Variants in LYPLAL1 observed in about 807,000 individuals in gnomAD.
LYPLAL1 encodes lysophospholipase-like protein 1.
A neutral mutation model predicts 19.7 loss-of-function variants in LYPLAL1; 23 were observed. The ratio of observed to expected loss-of-function variants is 1.17; its 90% CI spans 0.84 to 1.65. The LOEUF is 1.65. Among genes scored for constraint, LYPLAL1 ranks in the 40% most tolerant of loss-of-function variants. The pLI is 0.00. For missense variants in LYPLAL1, 355 were observed against 279.4 expected, an observed-to-expected ratio of 1.27 and a Z score of -1.93; for synonymous variants, 119 against 96.3, an observed-to-expected ratio of 1.24 and a Z score of -1.38.
At chr1:219,346,702 T>C in the LYPLAL1 span, among the ~76,000 whole-genome samples, 1 of 152,098 alleles carries the variant, frequency 6.6e-6, no homozygotes, top group South Asian at 2.1e-4. Flanking sequence ...TTAATGTGTA[T>C]GTGATCATAT....
At chr1:219,229,294 T>TGAGAGA in the LYPLAL1 span, among the ~76,000 whole-genome samples, 450 of 133,008 alleles carry the variant, frequency 3.4e-3, 5 homozygotes, top group African/African-American at 0.012. Flanking sequence ...ACAAGCATTT[T>TGAGAGA]GAGAGAGAGA....
chr1:219,402,940 T>C, the LYPLAL1 span, among the ~76,000 whole-genome samples: 10 of 152,336 alleles, frequency 6.6e-5, no homozygotes, highest in Admixed American at 5.9e-4. Flanking sequence ...CTGAAAGTTC[T>C]GTCAAGAATG....
chr1:219,232,774 A>C, the LYPLAL1 span, among the ~76,000 whole-genome samples: 1 of 152,150 alleles, frequency 6.6e-6, no homozygotes, highest in Non-Finnish European at 1.5e-5. Flanking sequence ...CAGCAAGCAT[A>C]TGAAAAGATA....
the LYPLAL1 span, among the ~76,000 whole-genome samples, chr1:219,218,732 A>G: frequency 1.3e-5 from 2 of 152,154 alleles, no homozygotes; most frequent in Non-Finnish European, 2.9e-5. Flanking sequence ...AGACCCATGC[A>G]TGTGTTATCT....
the LYPLAL1 span, among the ~76,000 whole-genome samples, chr1:219,317,100 G>A: frequency 3.9e-5 from 6 of 152,134 alleles, no homozygotes; most frequent in Admixed American, 6.5e-5. Flanking sequence ...TTAAGGTCAT[G>A]GTTCAATTTG....
chr1:219,203,201 C>G (rs1478348819), intron 3 of LYPLAL1, among the ~76,000 whole-genome samples: 1 of 152,060 alleles, frequency 6.6e-6, no homozygotes, highest in Admixed American at 6.6e-5. Flanking sequence ...TAAAACAAAA[C>G]TACTCTCTGT....
intron 2 of LYPLAL1, among the ~76,000 whole-genome samples, chr1:219,181,547 A>C (rs1572156147): frequency 6.6e-6 from 1 of 152,224 alleles, no homozygotes; most frequent in African/African-American, 2.4e-5. Flanking sequence ...GGCATAAACA[A>C]ATTTGAGAAC....
At chr1:219,267,844 C>G in the LYPLAL1 span, among the ~76,000 whole-genome samples, 27 of 152,236 alleles carry the variant, frequency 1.8e-4, no homozygotes, top group African/African-American at 6.3e-4. Context: ...CATCTGAGGC[C>G]TCTATACGTA....
rs1658387131 is a variant in LYPLAL1 at position 219,204,541 on chromosome 1, G to A, written c.362-5991G>A. On this transcript the variant is annotated intron_variant, in intron 3 of 4. Coordinates refer to ENST00000366928, the MANE Select transcript of LYPLAL1 (RefSeq NM_138794.5). Reference sequence around the variant, plus strand: ...TTGTGCTTAGAAAGTACATATGGTAGAGATAGCTTTAAATTAATTGGCATC... The same window carrying A: ...TTGTGCTTAGAAAGTACATATGGTAAAGATAGCTTTAAATTAATTGGCATC... Among the ~76,000 whole-genome samples, 4 of 152,198 alleles carry A rather than the reference G, an allele frequency of 2.6e-5. No individual in the cohort carries two copies. The South Asian group carries it at 8.3e-4, about 32-fold the overall frequency.
the LYPLAL1 span, among the ~76,000 whole-genome samples, chr1:219,355,263 G>A: frequency 3.3e-5 from 5 of 152,102 alleles, no homozygotes; most frequent in Admixed American, 6.5e-5. Context: ...CACAGCCTAC[G>A]ATAACCACCA....
At chr1:219,334,238 C>T in the LYPLAL1 span, among the ~76,000 whole-genome samples, 10,129 of 152,004 alleles carry the variant, frequency 0.067, 478 homozygotes, top group South Asian at 0.12. Context: ...ACCCTCTTAA[C>T]TCTGAGTTTC....
At chr1:219,409,568 A>G in the LYPLAL1 span, 1 of 152,230 alleles carries the variant, frequency 6.6e-6, no homozygotes, top group Non-Finnish European at 1.5e-5. Context: ...TTGCTGTATC[A>G]GTTAAGGTAG....
At chr1:219,323,607 A>T in the LYPLAL1 span, among the ~76,000 whole-genome samples, 1 of 152,178 alleles carries the variant, frequency 6.6e-6, no homozygotes, top group Non-Finnish European at 1.5e-5. Flanking sequence ...GCTCCAAATG[A>T]AACATGTACC....
chr1:219,331,523 A>G, the LYPLAL1 span, among the ~76,000 whole-genome samples: 1 of 152,310 alleles, frequency 6.6e-6, no homozygotes, highest in Non-Finnish European at 1.5e-5. Context: ...TAGCAGAAGC[A>G]TAAGAGAGGA....
chr1:219,370,961 A>T, the LYPLAL1 span, among the ~76,000 whole-genome samples: 2 of 152,216 alleles, frequency 1.3e-5, no homozygotes, highest in African/African-American at 4.8e-5. Context: ...GAGAAGAAGT[A>T]TAAAGTAATT....
At chr1:219,365,117 T>C in the LYPLAL1 span, among the ~76,000 whole-genome samples, 1 of 152,090 alleles carries the variant, frequency 6.6e-6, no homozygotes, top group East Asian at 1.9e-4. Flanking sequence ...GATGAAGATA[T>C]GTACAAAGTG....
chr1:219,178,534 T>C (rs1486756519), intron 1 of LYPLAL1, among the ~76,000 whole-genome samples: 2 of 152,206 alleles, frequency 1.3e-5, no homozygotes, highest in Non-Finnish European at 2.9e-5. Context: ...TTTCCTTCCA[T>C]TTTTTTCTGT....
chr1:219,296,053 T>G, the LYPLAL1 span, among the ~76,000 whole-genome samples: 1 of 152,230 alleles, frequency 6.6e-6, no homozygotes, highest in African/African-American at 2.4e-5. Flanking sequence ...TAAATCAATA[T>G]CTGATAAATA....
chr1:219,331,255 T>C, the LYPLAL1 span, among the ~76,000 whole-genome samples: 14 of 152,148 alleles, frequency 9.2e-5, no homozygotes, highest in African/African-American at 3.4e-4. Context: ...ACAGAAAAAC[T>C]TTCCTGTTGT....
Sources: gnomAD v4.1 joint callset for allele counts (sites outside exome capture counted in the v4.1 genomes callset) on GRCh38, gnomAD v4.1.1 for gene constraint, MANE v1.5 for transcripts, NCBI Gene and HGNC (gene_info 2026-07-23, HGNC 2026-07-21) for gene names.